HS6ST3: variants seen among roughly 807,000 people sequenced by gnomAD.
The protein encoded by HS6ST3 is heparan sulfate 6-O-sulfotransferase 3.
In HS6ST3, 12 loss-of-function variants were observed where a neutral mutation model predicts 36.7. The observed-to-expected ratio is 0.33, with a 90% CI of 0.21 to 0.53. The LOEUF (loss-of-function observed/expected upper bound fraction) is 0.53. Ranked by LOEUF, HS6ST3 falls within the 20% of genes least tolerant of loss-of-function variation. The probability of loss-of-function intolerance (pLI) is 0.95; values close to 1 mark genes in which losing one functional copy is unlikely to be tolerated. For missense variants in HS6ST3, 584 were observed against 640.9 expected (o/e 0.91, Z 0.96); for synonymous variants, 240 against 257.5 (o/e 0.93, Z 0.65).
chr13:96,803,170 GAC>G (rs142446580), intron 1 of HS6ST3, among the ~76,000 whole-genome samples: 12,999 of 152,154 alleles, frequency 0.085, 643 homozygotes, highest in Non-Finnish European at 0.12. Flanking sequence ...GTGGAGGCTG[GAC>G]AAGTGTTTGT....
chr13:96,249,622 C>A (rs2054598815), intron 1 of HS6ST3, among the ~76,000 whole-genome samples: 1 of 152,134 alleles, frequency 6.6e-6, no homozygotes, highest in Non-Finnish European at 1.5e-5. Flanking sequence ...CCAGTATAAT[C>A]TGCTACATAT....
At chr13:96,484,685 T>C (rs768011296) in intron 1 of HS6ST3, among the ~76,000 whole-genome samples, 2 of 152,172 alleles carry the variant, frequency 1.3e-5, no homozygotes, top group Non-Finnish European at 2.9e-5. Flanking sequence ...GATTTCCTTT[T>C]TCTTAAGGCT....
At chr13:96,270,158 C>T (rs955215909) in intron 1 of HS6ST3, among the ~76,000 whole-genome samples, 4 of 151,808 alleles carry the variant, frequency 2.6e-5, no homozygotes, top group Non-Finnish European at 5.9e-5. Context: ...TGCTCTGTCT[C>T]TTTGCACTTG....
At chr13:96,383,567 G>A (rs745713097) in intron 1 of HS6ST3, among the ~76,000 whole-genome samples, 1 of 152,208 alleles carries the variant, frequency 6.6e-6, no homozygotes, top group Non-Finnish European at 1.5e-5. Flanking sequence ...GACAGAAGCT[G>A]AAGCTGAGGG....
intron 1 of HS6ST3, among the ~76,000 whole-genome samples, chr13:96,121,624 T>G (rs2053925816): frequency 6.6e-6 from 1 of 152,148 alleles, no homozygotes; most frequent in African/African-American, 2.4e-5. Flanking sequence ...CAGTCCATGG[T>G]TTCTTCCTGG....
At chr13:96,597,291 C>T (rs2056405164) in intron 1 of HS6ST3, among the ~76,000 whole-genome samples, 1 of 150,574 alleles carries the variant, frequency 6.6e-6, no homozygotes, top group Admixed American at 6.6e-5. Context: ...CGCTATGACA[C>T]AAGCTTACCT....
In HS6ST3 at chr13:96,092,668, A is replaced by G. The variant is rs1250583841; in HGVS notation, c.707+1099A>G. Among the ~76,000 whole-genome samples the G allele has an allele frequency of 3.4e-5, 5 of 149,224 alleles. No homozygotes were observed. In the South Asian group the frequency reaches 6.3e-4, roughly 19 times the overall value. On this transcript the variant is annotated intron_variant, in intron 1 of 1. Coordinates refer to ENST00000376705, the MANE Select transcript of HS6ST3 (RefSeq NM_153456.4). ...CAAGCTGATTATGTTGATATCCCAG[A>G]TAGCTTTTGCATTTGACGTTATAGA...
chr13:96,722,805 C>T (rs997836685), intron 1 of HS6ST3, among the ~76,000 whole-genome samples: 4 of 152,026 alleles, frequency 2.6e-5, no homozygotes, highest in Admixed American at 6.6e-5. Context: ...GGCAAAATCC[C>T]GCCTCTACAA....
chr13:96,724,937 A>G (rs929493130), intron 1 of HS6ST3, among the ~76,000 whole-genome samples: 1 of 152,334 alleles, frequency 6.6e-6, no homozygotes, highest in East Asian at 1.9e-4. Context: ...TTTTTCAGAA[A>G]TTGCCAAATG....
chr13:96,762,353 G>A (rs944896125), intron 1 of HS6ST3, among the ~76,000 whole-genome samples: 1 of 152,144 alleles, frequency 6.6e-6, no homozygotes, highest in South Asian at 2.1e-4. Context: ...GGTGGTGGGT[G>A]CCTGTAATCC....
chr13:96,775,837 A>G (rs1004983437), intron 1 of HS6ST3, among the ~76,000 whole-genome samples: 1 of 152,186 alleles, frequency 6.6e-6, no homozygotes, highest in African/African-American at 2.4e-5. Flanking sequence ...GACCAAGTGG[A>G]CCTAATAGAC....
intron 1 of HS6ST3, among the ~76,000 whole-genome samples, chr13:96,330,364 T>G (rs537157102): frequency 0.081 from 12,185 of 150,128 alleles, 526 homozygotes; most frequent in Middle Eastern, 0.12. Context: ...AGGAGCTCTT[T>G]TAGGGCAGGC....
At chr13:96,246,841 G>A (rs1470271130) in intron 1 of HS6ST3, among the ~76,000 whole-genome samples, 1 of 152,118 alleles carries the variant, frequency 6.6e-6, no homozygotes, top group Non-Finnish European at 1.5e-5. Context: ...AACTTTATGG[G>A]CCAGGTAGTG....
At chr13:96,328,613 G>A (rs2055046373) in intron 1 of HS6ST3, among the ~76,000 whole-genome samples, 1 of 151,588 alleles carries the variant, frequency 6.6e-6, no homozygotes, top group African/African-American at 2.4e-5. Flanking sequence ...TTGCATCAAT[G>A]TTCATCAAGG....
At chr13:96,443,339 G>A (rs1263223677) in intron 1 of HS6ST3, among the ~76,000 whole-genome samples, 1 of 151,878 alleles carries the variant, frequency 6.6e-6, no homozygotes, top group Non-Finnish European at 1.5e-5. Context: ...GACCATCCTG[G>A]CTAACATGGT....
At chr13:96,397,138 G>C (rs2055426223) in intron 1 of HS6ST3, among the ~76,000 whole-genome samples, 1 of 152,190 alleles carries the variant, frequency 6.6e-6, no homozygotes, top group African/African-American at 2.4e-5. Context: ...CAGGGGCAGA[G>C]GTTGCAGTGA....
chr13:96,290,063 G>A (rs1315342194), intron 1 of HS6ST3, among the ~76,000 whole-genome samples: 1 of 152,252 alleles, frequency 6.6e-6, no homozygotes, highest in East Asian at 1.9e-4. Flanking sequence ...TGTCTGCCTA[G>A]CTAGCCCCCC....
chr13:96,556,461 A>T (rs1336085), intron 1 of HS6ST3, among the ~76,000 whole-genome samples: 97,585 of 151,952 alleles, frequency 0.64, 35,014 homozygotes, highest in Non-Finnish European at 0.79. Context: ...GCAATATTTT[A>T]TTTGGGTTTT....
intron 1 of HS6ST3, among the ~76,000 whole-genome samples, chr13:96,155,517 T>C (rs7987510): frequency 0.39 from 60,003 of 151,918 alleles, 12,101 homozygotes; most frequent in Middle Eastern, 0.47. Context: ...CAAGTTTTGA[T>C]TGGGATAATT....
Sources: allele counts gnomAD v4.1 joint callset (sites outside exome capture counted in the v4.1 genomes callset), GRCh38; gene constraint gnomAD v4.1.1; transcripts MANE v1.5; gene names NCBI Gene and HGNC (gene_info 2026-07-23, HGNC 2026-07-21).